The following KCNH5 variants were observed in gnomAD, a reference collection of about 807,000 sequenced individuals.
KCNH5 encodes the protein potassium voltage-gated channel subfamily H member 5, also known as voltage-gated delayed rectifier potassium channel KCNH5.
KCNH5 carries 46 observed loss-of-function variants against 96.1 expected under a neutral mutation model. The observed-to-expected ratio is 0.48, with a 90% CI of 0.38 to 0.61. The LOEUF is 0.61. Among genes scored for constraint, KCNH5 ranks in the 20% least tolerant of loss-of-function variants. The pLI, the probability that KCNH5 is intolerant of heterozygous loss-of-function variation, is 0.00. For missense variants in KCNH5, 907 were observed against 1,225.8 expected, an observed-to-expected ratio of 0.74 and a Z score of 3.88; for synonymous variants, 439 against 449.8, an observed-to-expected ratio of 0.98 and a Z score of 0.30.
chr14:62,892,013 A>G (rs979823855), intron 7 of KCNH5, among the ~76,000 whole-genome samples: 3 of 152,178 alleles, frequency 2.0e-5, no homozygotes, highest in East Asian at 1.9e-4. Flanking sequence ...TCACTCTACA[A>G]TGGTCTTTAA....
chr14:62,837,242 C>G (rs1887483075), intron 8 of KCNH5, among the ~76,000 whole-genome samples: 1 of 152,150 alleles, frequency 6.6e-6, no homozygotes, highest in Non-Finnish European at 1.5e-5. Flanking sequence ...CTTGTTCAGT[C>G]CTACTAGACT....
At chr14:62,914,141 T>C (rs896946189) in intron 7 of KCNH5, among the ~76,000 whole-genome samples, 2 of 152,236 alleles carry the variant, frequency 1.3e-5, no homozygotes, top group Non-Finnish European at 2.9e-5. Context: ...TAATGATGTA[T>C]AAAGAGCTCT....
rs1346595307 is a variant in KCNH5 at position 62,849,757 on chromosome 14, G to A, written c.1465C>T (p.Arg489Trp). The A allele has an allele frequency of 3.7e-6, 6 of 1,613,574 alleles. No individual in the cohort carries two copies. Among genetic ancestry groups the A allele is most frequent in the African/African-American group, 2.7e-5 (2 of 74,874 alleles). ...ACCTGATAGAGTTTTAGGAAGTCCC[G>A]TACATTATTCAGCATCTCATGGTAT... ...NRYHEMLNNV[R>W]DFLKLYQVPK... is the part of the protein sequence containing the mutation. Residue 489 changes from arginine to tryptophan, a missense_variant, in exon 8 of 11, where the codon CGG becomes TGG. Coordinates refer to ENST00000322893, the MANE Select transcript of KCNH5 (RefSeq NM_139318.5).
Position 62,950,399 on chromosome 14 carries a change from T to C in KCNH5, c.1103A>G (p.Tyr368Cys). The change falls in exon 7 of 11, where the codon TAT (tyrosine) becomes TGT (cysteine). Residue 368 changes from tyrosine to cysteine, a missense_variant. Transcript: ENST00000322893. ...LVAHWLACIW[Y>C]SIGDYEVIDE... is the part of the protein sequence containing the mutation. Reference sequence around the variant, plus strand: ...AATGACCTCGTAGTCTCCGATGCTATACCATATGCAGGCCAGCCAGTGGGC... The same window carrying C: ...AATGACCTCGTAGTCTCCGATGCTACACCATATGCAGGCCAGCCAGTGGGC... The C allele has an allele frequency of 6.2e-7, 1 of 1,613,932 alleles. No homozygotes were observed. The highest frequency in any genetic ancestry group is 8.5e-7 in the Non-Finnish European group (1 of 1,179,964).
chr14:62,727,917 G>C (rs938783421), intron 10 of KCNH5, among the ~76,000 whole-genome samples: 1 of 150,588 alleles, frequency 6.6e-6, no homozygotes, highest in Non-Finnish European at 1.5e-5. Flanking sequence ...TGACTAGCTT[G>C]ACCATGATTT....
At chr14:62,829,622 T>C (rs1284157596) in intron 8 of KCNH5, among the ~76,000 whole-genome samples, 1 of 152,202 alleles carries the variant, frequency 6.6e-6, no homozygotes, top group Non-Finnish European at 1.5e-5. Flanking sequence ...CACCATGTCC[T>C]GAGGCTGCAC....
At chr14:62,888,824 T>A (rs981539088) in intron 7 of KCNH5, among the ~76,000 whole-genome samples, 1 of 152,170 alleles carries the variant, frequency 6.6e-6, no homozygotes, top group Admixed American at 6.5e-5. Context: ...ATTGTTAATA[T>A]CACAGAAAAG....
intron 8 of KCNH5, among the ~76,000 whole-genome samples, chr14:62,811,342 T>C (rs1480708633): frequency 6.6e-6 from 1 of 152,126 alleles, no homozygotes; most frequent in Non-Finnish European, 1.5e-5. Flanking sequence ...GGTGGAATCC[T>C]GCTCCAATCT....
chr14:62,842,335 T>A (rs990817582), intron 8 of KCNH5, among the ~76,000 whole-genome samples: 1 of 152,158 alleles, frequency 6.6e-6, no homozygotes, highest in African/African-American at 2.4e-5. Flanking sequence ...ACGAAAAAAC[T>A]GAGGTTTCAA....
chr14:62,898,783 T>C (rs10483759), intron 7 of KCNH5, among the ~76,000 whole-genome samples: 18,839 of 152,076 alleles, frequency 0.12, 1,354 homozygotes, highest in East Asian at 0.28. Context: ...GTAAAAATAA[T>C]GGATAGAGGT....
At chr14:62,711,502 C>T (rs144245168) in intron 10 of KCNH5, among the ~76,000 whole-genome samples, 37 of 152,196 alleles carry the variant, frequency 2.4e-4, no homozygotes, top group Non-Finnish European at 4.9e-4. Flanking sequence ...TTTTTACGCC[C>T]GGGAGATAGG....
chr14:63,033,172 G>A (rs562418353), intron 1 of KCNH5, among the ~76,000 whole-genome samples: 3 of 152,038 alleles, frequency 2.0e-5, no homozygotes, highest in Non-Finnish European at 4.4e-5. Flanking sequence ...CAACCTTTAC[G>A]GAAGTAGCTT....
intron 7 of KCNH5, among the ~76,000 whole-genome samples, chr14:62,914,237 G>C (rs1889228996): frequency 6.6e-6 from 1 of 152,148 alleles, no homozygotes; most frequent in East Asian, 1.9e-4. Flanking sequence ...CATCATTTAT[G>C]TTGGCCTAAT....
At chr14:63,006,198 G>T (rs1891122009) in intron 3 of KCNH5, among the ~76,000 whole-genome samples, 168 bp downstream of exon 3, 1 of 152,060 alleles carries the variant, frequency 6.6e-6, no homozygotes, top group African/African-American at 2.4e-5. Context: ...TCCATAGGTA[G>T]AATTATTTAT....
chr14:62,790,799 C>T (rs192558975), intron 9 of KCNH5, among the ~76,000 whole-genome samples: 4 of 151,706 alleles, frequency 2.6e-5, no homozygotes, highest in Non-Finnish European at 5.9e-5. Flanking sequence ...TATAGAAATG[C>T]TGCTAATTTT....
chr14:62,719,501 T>C (rs1041766555), intron 10 of KCNH5, among the ~76,000 whole-genome samples: 2 of 152,226 alleles, frequency 1.3e-5, no homozygotes, highest in Admixed American at 6.5e-5. Flanking sequence ...GATTCGTGAA[T>C]TGGGCAGCCC....
intron 2 of KCNH5, among the ~76,000 whole-genome samples, chr14:63,012,340 T>C (rs917596782): frequency 1.3e-5 from 2 of 152,180 alleles, no homozygotes; most frequent in Admixed American, 6.5e-5. Flanking sequence ...CATAGTGTCA[T>C]AATTTTACCT....
chr14:63,031,654 G>A (rs747327142), intron 1 of KCNH5, among the ~76,000 whole-genome samples: 4 of 152,266 alleles, frequency 2.6e-5, no homozygotes, highest in Non-Finnish European at 4.4e-5. Flanking sequence ...GGATAAATAA[G>A]TCTAGGGATC....
At chr14:62,782,296 C>T (rs1017266293) in intron 9 of KCNH5, among the ~76,000 whole-genome samples, 5 of 152,140 alleles carry the variant, frequency 3.3e-5, no homozygotes, top group African/African-American at 9.7e-5. Flanking sequence ...GCTTAAGAGG[C>T]ACTTCAGGGT....
Sources: gnomAD v4.1 joint callset for allele counts (sites outside exome capture counted in the v4.1 genomes callset) on GRCh38, gnomAD v4.1.1 for gene constraint, MANE v1.5 for transcripts, NCBI Gene and HGNC (gene_info 2026-07-23, HGNC 2026-07-21) for gene names.